Variants in CREB5 observed in about 807,000 individuals in gnomAD.
The protein encoded by CREB5 is cAMP responsive element binding protein 5, also known as cyclic AMP-responsive element-binding protein 5.
In CREB5, 19 loss-of-function variants were observed where a neutral mutation model predicts 57.1. That is an observed-to-expected ratio of 0.33 (90% CI 0.23 to 0.49). CREB5 has a LOEUF of 0.49. Among genes scored for constraint, CREB5 ranks in the 20% least tolerant of loss-of-function variants. The pLI, the probability that CREB5 is intolerant of heterozygous loss-of-function variation, is 0.99. For missense variants in CREB5, 579 were observed against 671.6 expected, an observed-to-expected ratio of 0.86 and a Z score of 1.52; for synonymous variants, 238 against 238.3, an observed-to-expected ratio of 1.00 and a Z score of 0.01.
intron 1 of CREB5, among the ~76,000 whole-genome samples, chr7:28,391,746 CT>C (rs1787220615): frequency 1.3e-5 from 2 of 152,200 alleles, no homozygotes; most frequent in South Asian, 4.1e-4. Flanking sequence ...ACAAATCAAT[CT>C]TCCATCTCTG....
chr7:28,719,857 C>T (rs866510722), intron 6 of CREB5, among the ~76,000 whole-genome samples: 1 of 152,050 alleles, frequency 6.6e-6, no homozygotes, highest in Non-Finnish European at 1.5e-5. Context: ...GTCAAGAGAT[C>T]GAGACCAGCC....
At chr7:28,663,144 CAA>C (rs77569783) in intron 5 of CREB5, among the ~76,000 whole-genome samples, 8 of 147,320 alleles carry the variant, frequency 5.4e-5, no homozygotes, top group Admixed American at 1.3e-4. Flanking sequence ...GATTCCATCT[CAA>C]AAAAAAAAAG....
At chr7:28,725,645 T>TAA (rs1554291840) in intron 7 of CREB5, among the ~76,000 whole-genome samples, 2 of 112,370 alleles carry the variant, frequency 1.8e-5, no homozygotes, top group African/African-American at 5.8e-5. Flanking sequence ...TATCTTTTTT[T>TAA]AAAAAAAAAA....
intron 3 of CREB5, among the ~76,000 whole-genome samples, chr7:28,498,347 TAAG>T (rs775447310): frequency 8.5e-5 from 13 of 152,212 alleles, no homozygotes; most frequent in Non-Finnish European, 1.6e-4. Context: ...CATCATATTT[TAAG>T]AAGATAAAAT....
chr7:28,593,013 A>G (rs568585792), intron 5 of CREB5, among the ~76,000 whole-genome samples: 1 of 152,336 alleles, frequency 6.6e-6, no homozygotes, highest in East Asian at 1.9e-4. Context: ...GCATGGCACA[A>G]CCACAGCATA....
intron 5 of CREB5, among the ~76,000 whole-genome samples, chr7:28,677,096 A>G (rs1018346652): frequency 2.0e-5 from 3 of 152,212 alleles, no homozygotes; most frequent in Admixed American, 6.5e-5. Flanking sequence ...AATACTTTTT[A>G]TCTTAAAATA....
chr7:28,825,646 A>C lies in CREB5; in HGVS notation c.*6367A>C, dbSNP rs1320761931. 6.6e-6 allele frequency: 1 copy of C among 152,606 alleles called. No individual in the cohort carries two copies. The highest frequency in any genetic ancestry group is 2.4e-5 in the African/African-American group (1 of 41,444). The allele number at this position is 152,606 out of a possible 1,614,324, so 9.5% of individuals were successfully genotyped here. A position where few individuals can be genotyped will look rare whatever the true frequency, so the allele number is the denominator to read the frequency against. ...TAAAGCAACCACCTTCCTTATTGGA[A>C]GGAGAAAAAAAGGGGTACATACATG... On this transcript the variant is annotated 3_prime_UTR_variant, in exon 11 of 11. Coordinates refer to ENST00000357727, the MANE Select transcript of CREB5 (RefSeq NM_182898.4).
chr7:28,623,820 T>A (rs1377201971), intron 5 of CREB5, among the ~76,000 whole-genome samples: 4 of 152,184 alleles, frequency 2.6e-5, no homozygotes, highest in Non-Finnish European at 5.9e-5. Flanking sequence ...AGTAAGAGAA[T>A]CTTTTTGATT....
In CREB5 at chr7:28,823,032, T is replaced by C. The variant is rs558773818; in HGVS notation, c.*3753T>C. ...AAACAAAATGGAGAGCGTATTCTGA[T>C]AGAAGGACGTCGACGGTGAATGTTC... is the stretch of plus-strand genomic sequence containing the variant. On this transcript the variant is annotated 3_prime_UTR_variant, in exon 11 of 11. Transcript: ENST00000357727. 6.5e-6 allele frequency: 1 copy of C among 152,778 alleles called. No individual in the cohort carries two copies. Among genetic ancestry groups the C allele is most frequent in the East Asian group, 1.9e-4 (1 of 5,192 alleles). 9.5% of individuals were successfully genotyped at this position (152,778 alleles called of 1,614,324 possible).
At chr7:28,565,061 G>A (rs773694723) in intron 4 of CREB5, among the ~76,000 whole-genome samples, 6 of 152,174 alleles carry the variant, frequency 3.9e-5, no homozygotes, top group Non-Finnish European at 5.9e-5. Flanking sequence ...ACAAGGAAGG[G>A]TAGACAAACT....
At chr7:28,780,670 C>T (rs1806921441) in intron 7 of CREB5, among the ~76,000 whole-genome samples, 2 of 152,070 alleles carry the variant, frequency 1.3e-5, no homozygotes, top group African/African-American at 4.8e-5. Context: ...TGCAGTGTGC[C>T]GAGATCGTGT....
At chr7:28,620,023 C>T (rs931132124) in intron 5 of CREB5, among the ~76,000 whole-genome samples, 1 of 152,128 alleles carries the variant, frequency 6.6e-6, no homozygotes, top group African/African-American at 2.4e-5. Flanking sequence ...GTTTCTAAGC[C>T]TCTGCAGAAT....
chr7:28,728,714 G>C (rs761705521), intron 7 of CREB5, among the ~76,000 whole-genome samples: 1 of 152,166 alleles, frequency 6.6e-6, no homozygotes. Context: ...ACTGAGAAAG[G>C]CCCCATGAAT....
At chr7:28,718,985 C>T (rs150498789) in intron 6 of CREB5, 106 bp downstream of exon 6, 69 of 1,533,604 alleles carry the variant, frequency 4.5e-5, no homozygotes, top group African/African-American at 3.0e-4. Context: ...GGAAAGAAGG[C>T]GACTGCTTCT....
At chr7:28,682,066 C>T (rs1800623291) in intron 5 of CREB5, among the ~76,000 whole-genome samples, 1 of 152,196 alleles carries the variant, frequency 6.6e-6, no homozygotes, top group African/African-American at 2.4e-5. Flanking sequence ...ATTGCCACAT[C>T]CGTGAATTAC....
At chr7:28,511,752 C>T (rs925481085) in intron 4 of CREB5, among the ~76,000 whole-genome samples, 2 of 152,222 alleles carry the variant, frequency 1.3e-5, no homozygotes, top group African/African-American at 4.8e-5. Flanking sequence ...TCCCAAAGTG[C>T]TGGGATTACC....
Position 28,804,414 on chromosome 7 carries a change from T to A in CREB5, c.918T>A (p.His306Gln). ...HPAHHPHPQP[H>Q]HQQNHPHHHS... ...CACACCATCCTCACCCTCAACCCCA[T>A]CACCAGCAGAACCATCCACATCACC... The change falls in exon 8 of 11, where the codon CAT becomes CAA. Residue 306 changes from histidine (H) to glutamine (Q), a missense_variant. This residue lies in a region of CREB5 where 459 missense variants were observed against 515.7 expected (regional missense o/e 0.89). Coordinates refer to ENST00000357727, the MANE Select transcript of CREB5 (RefSeq NM_182898.4). 6.2e-7 allele frequency: 1 copy of A among 1,613,480 alleles called. No individual in the cohort carries two copies. The highest frequency in any genetic ancestry group is 8.5e-7 in the Non-Finnish European group (1 of 1,179,942).
chr7:28,610,975 GGT>G (rs1039604692), intron 5 of CREB5, among the ~76,000 whole-genome samples: 1 of 151,828 alleles, frequency 6.6e-6, no homozygotes, highest in South Asian at 2.1e-4. Context: ...AAGGTAGGGG[GGT>G]GTGTGTGTGA....
At chr7:28,341,162 C>T (rs1415749383) in intron 1 of CREB5, among the ~76,000 whole-genome samples, 1 of 152,108 alleles carries the variant, frequency 6.6e-6, no homozygotes, top group Non-Finnish European at 1.5e-5. Context: ...TTTGGTGCTG[C>T]TGTGAGGATG....
Sources: gnomAD v4.1 joint callset for allele counts (sites outside exome capture counted in the v4.1 genomes callset) on GRCh38, gnomAD v4.1.1 for gene constraint, gnomAD v4.1.1 regional missense constraint, MANE v1.5 for transcripts, NCBI Gene and HGNC (gene_info 2026-07-23, HGNC 2026-07-21) for gene names.